PCDH11X: variants seen among roughly 807,000 people sequenced by gnomAD.
The protein encoded by PCDH11X is protocadherin 11 X-linked, also known as protocadherin-11 X-linked.
Under a neutral mutation model 53.3 loss-of-function variants are expected in PCDH11X, and 18 were observed. The ratio of observed to expected loss-of-function variants is 0.34; its 90% confidence interval spans 0.23 to 0.50. The LOEUF is 0.50. Among genes scored for constraint, PCDH11X ranks in the 20% least tolerant of loss-of-function variants. The probability of loss-of-function intolerance (pLI) is 0.98; values close to 1 mark genes in which losing one functional copy is unlikely to be tolerated. For missense variants in PCDH11X, 570 were observed against 1,032.4 expected (o/e 0.55, Z 6.14); for synonymous variants, 279 against 393.3 (o/e 0.71, Z 3.44).
intron 8 of PCDH11X, among the ~76,000 whole-genome samples, chrX:92,283,533 T>C (rs1057264054): frequency 9.0e-6 from 1 of 111,670 alleles, no homozygotes; most frequent in African/African-American, 3.2e-5. Context: ...TTTATTTCAT[T>C]TTATTTTTGC....
At chrX:92,214,161 A>G (rs1234735333) in intron 7 of PCDH11X, among the ~76,000 whole-genome samples, 6 of 112,097 alleles carry the variant, frequency 5.4e-5, no homozygotes, top group Admixed American at 9.5e-5. Context: ...AGCGGAATAA[A>G]TACCAGGAAT....
intron 6 of PCDH11X, among the ~76,000 whole-genome samples, chrX:92,037,806 G>GT (rs1175411636): frequency 1.8e-5 from 2 of 109,564 alleles, no homozygotes; most frequent in African/African-American, 6.6e-5. Flanking sequence ...GATGTTGAGG[G>GT]TTTTTTGTGT....
At chrX:92,146,487 C>A (rs191582041) in intron 6 of PCDH11X, among the ~76,000 whole-genome samples, 2 of 111,371 alleles carry the variant, frequency 1.8e-5, no homozygotes, top group Non-Finnish European at 3.8e-5. Context: ...CACATCTTTC[C>A]GTTTTCTGCA....
intron 9 of PCDH11X, among the ~76,000 whole-genome samples, chrX:92,402,058 A>T (rs1016158069): frequency 1.5e-4 from 17 of 110,922 alleles, no homozygotes; most frequent in Non-Finnish European, 3.8e-5. Flanking sequence ...GGTACTGTAT[A>T]TTCAGTGGAA....
chrX:92,400,197 A>G (rs1290529478), intron 9 of PCDH11X, among the ~76,000 whole-genome samples: 1 of 111,585 alleles, frequency 9.0e-6, no homozygotes, highest in East Asian at 2.8e-4. Flanking sequence ...GAAGAATAAC[A>G]GGGCAGATAG....
chrX:92,276,743 G>A (rs1363514433), intron 8 of PCDH11X, among the ~76,000 whole-genome samples: 1 of 111,844 alleles, frequency 8.9e-6, no homozygotes, highest in African/African-American at 3.2e-5. Flanking sequence ...TTTATTTAAT[G>A]TCGGGAGCAG....
intron 4 of PCDH11X, among the ~76,000 whole-genome samples, chrX:91,834,148 C>T (rs905792965): frequency 5.4e-5 from 6 of 110,725 alleles, no homozygotes; most frequent in African/African-American, 1.6e-4. Flanking sequence ...ATATCATCTA[C>T]AAATACTATC....
chrX:92,074,686 A>G (rs1467800696), intron 6 of PCDH11X, among the ~76,000 whole-genome samples: 5 of 112,064 alleles, frequency 4.5e-5, no homozygotes, highest in Non-Finnish European at 9.4e-5. Flanking sequence ...GAAACAATGC[A>G]GCAGATCATT....
At chrX:92,550,149 C>T (rs992462640) in intron 10 of PCDH11X, among the ~76,000 whole-genome samples, 5 of 110,463 alleles carry the variant, frequency 4.5e-5, no homozygotes, top group African/African-American at 1.6e-4. Context: ...TCTCTACTTA[C>T]GTGGGATCAA....
intron 8 of PCDH11X, among the ~76,000 whole-genome samples, chrX:92,370,876 A>G (rs1396536737): frequency 8.9e-6 from 1 of 112,040 alleles, no homozygotes. Flanking sequence ...TGTTGGCTTC[A>G]TATATTTAGA....
At chrX:92,284,291 G>T (rs925729366) in intron 8 of PCDH11X, among the ~76,000 whole-genome samples, 3 of 109,157 alleles carry the variant, frequency 2.7e-5, no homozygotes, top group African/African-American at 6.7e-5. Flanking sequence ...CTAAAGTTCT[G>T]CTTCCTAATT....
intron 8 of PCDH11X, among the ~76,000 whole-genome samples, chrX:92,313,491 A>T (rs2069000534): frequency 9.0e-6 from 1 of 110,729 alleles, no homozygotes; most frequent in African/African-American, 3.3e-5. Flanking sequence ...CTTCTATGTA[A>T]TTTTTTCTTG....
chrX:92,142,670 C>A (rs73539467), intron 6 of PCDH11X, among the ~76,000 whole-genome samples: 4,370 of 109,248 alleles, frequency 0.04, 196 homozygotes, highest in African/African-American at 0.14. Flanking sequence ...GCACACACAC[C>A]CACACACCCA....
At chrX:92,538,312 T>C (rs1221584004) in intron 10 of PCDH11X, among the ~76,000 whole-genome samples, 2 of 102,588 alleles carry the variant, frequency 1.9e-5, no homozygotes, top group Non-Finnish European at 4.0e-5. Context: ...CTTGTGTTTT[T>C]TCTTTATTCT....
chrX:92,089,616 G>A (rs1181369909), intron 6 of PCDH11X, among the ~76,000 whole-genome samples: 14 of 107,223 alleles, frequency 1.3e-4, no homozygotes, highest in East Asian at 2.9e-4. Flanking sequence ...TCCTCCTCCC[G>A]GGTTCAAACG....
intron 9 of PCDH11X, among the ~76,000 whole-genome samples, chrX:92,388,524 A>G (rs866585024): frequency 1.9e-5 from 2 of 106,223 alleles, no homozygotes; most frequent in Non-Finnish European, 3.9e-5. Flanking sequence ...GAACTCTTTA[A>G]AAGGATCATA....
chrX:91,824,988 G>C (rs749346010), intron 4 of PCDH11X, among the ~76,000 whole-genome samples: 273 of 110,134 alleles, frequency 2.5e-3, no homozygotes, highest in African/African-American at 8.9e-3. Context: ...AGGCTGCTCG[G>C]GGGTCAGGGG....
intron 6 of PCDH11X, among the ~76,000 whole-genome samples, chrX:92,015,054 C>T (rs1237696644): frequency 9.0e-6 from 1 of 111,512 alleles, no homozygotes; most frequent in Admixed American, 9.6e-5. Flanking sequence ...ATAAATGAAA[C>T]ATGTCATGCT....
At chrX:92,213,009 G>A (rs757813412) in intron 7 of PCDH11X, among the ~76,000 whole-genome samples, 15 of 112,006 alleles carry the variant, frequency 1.3e-4, no homozygotes, top group Non-Finnish European at 1.7e-4. Flanking sequence ...TTATTTCAAA[G>A]CTTAATCTGG....
Sources: gnomAD v4.1 joint callset for allele counts (sites outside exome capture counted in the v4.1 genomes callset) on GRCh38, gnomAD v4.1.1 for gene constraint, MANE v1.5 for transcripts, NCBI Gene and HGNC (gene_info 2026-07-23, HGNC 2026-07-21) for gene names.